RAD51B: variants seen among roughly 807,000 people sequenced by gnomAD.
The protein encoded by RAD51B is DNA repair protein RAD51 homolog 2.
Under a neutral mutation model 42.2 loss-of-function variants are expected in RAD51B, and 38 were observed. That is an observed-to-expected ratio of 0.90 (90% CI 0.70 to 1.18). The LOEUF is 1.18. RAD51B is among the 50% of genes most tolerant of loss of function. The pLI is 0.00. For synonymous variants in RAD51B, 154 were observed against 145.2 expected, an observed-to-expected ratio of 1.06 and a Z score of -0.43; for missense variants, 373 against 400.7, an observed-to-expected ratio of 0.93 and a Z score of 0.59.
intron 8 of RAD51B, chr14:68,339,223 T>A (rs1225067018): frequency 1.7e-6 from 2 of 1,151,686 alleles, no homozygotes; most frequent in African/African-American, 3.1e-5. Flanking sequence ...GTCTCTGGCC[T>A]GTACTTGTGG....
intron 7 of RAD51B, among the ~76,000 whole-genome samples, chr14:68,047,333 C>G (rs1322899850): frequency 6.6e-6 from 1 of 152,148 alleles, no homozygotes; most frequent in Non-Finnish European, 1.5e-5. Context: ...TGTTCAGTCT[C>G]TACTTGCTGG....
chr14:67,835,110 G>A lies in RAD51B; in HGVS notation c.229G>A (p.Asp77Asn), dbSNP rs767643278. ...AYGIKAQRSA[D>N]FSPAFLSTTL... Reference sequence around the variant, plus strand: ...TGGGATAAAAGCACAAAGGTCTGCTGATTTCTCACCAGCATTCTTATCTAC... The same window carrying A: ...TGGGATAAAAGCACAAAGGTCTGCTAATTTCTCACCAGCATTCTTATCTAC... The change falls in exon 4 of 11, where the codon GAT (aspartate) becomes AAT (asparagine). Residue 77 changes from aspartate to asparagine, a missense_variant. Transcript: ENST00000471583. The A allele has an allele frequency of 5.0e-6, 8 of 1,613,696 alleles. No homozygotes were observed. In the African/African-American group the frequency reaches 1.1e-4, roughly 22 times the overall value.
chr14:68,487,336 C>A (rs1271225223), intron 10 of RAD51B, among the ~76,000 whole-genome samples: 2 of 152,026 alleles, frequency 1.3e-5, no homozygotes, highest in Non-Finnish European at 2.9e-5. Flanking sequence ...GACACTAGTT[C>A]TATTGGATTA....
At chr14:68,303,795 C>T (rs938373733) in intron 8 of RAD51B, among the ~76,000 whole-genome samples, 3 of 152,168 alleles carry the variant, frequency 2.0e-5, no homozygotes, top group Non-Finnish European at 4.4e-5. Context: ...ATCAAGGCGC[C>T]TAACAGTTAG....
chr14:68,152,723 CT>C (rs3072524), intron 7 of RAD51B, among the ~76,000 whole-genome samples: 124,560 of 146,674 alleles, frequency 0.85, 52,852 homozygotes, highest in East Asian at 0.99. Context: ...AGTACCCAAT[CT>C]TTTTTTTTTT....
chr14:68,507,454 G>T (rs1885413881), intron 10 of RAD51B, among the ~76,000 whole-genome samples: 1 of 152,188 alleles, frequency 6.6e-6, no homozygotes, highest in Non-Finnish European at 1.5e-5. Flanking sequence ...TGTTCTTTGT[G>T]TGAGGGCTTC....
At chr14:68,173,288 T>C (rs1460577505) in intron 7 of RAD51B, among the ~76,000 whole-genome samples, 1 of 152,238 alleles carries the variant, frequency 6.6e-6, no homozygotes, top group Non-Finnish European at 1.5e-5. Context: ...GTCTTTGATC[T>C]TTTTCCACAT....
At chr14:68,556,367 C>T (rs78002963) in intron 10 of RAD51B, among the ~76,000 whole-genome samples, 11,417 of 152,228 alleles carry the variant, frequency 0.075, 525 homozygotes, top group South Asian at 0.16. Context: ...CCAACAGCCT[C>T]CAGCTGCTCT....
chr14:68,020,777 A>G (rs2075851187), intron 7 of RAD51B, among the ~76,000 whole-genome samples: 1 of 152,236 alleles, frequency 6.6e-6, no homozygotes, highest in Admixed American at 6.5e-5. Context: ...ACTGCAATTT[A>G]AAAAACATTG....
intron 7 of RAD51B, among the ~76,000 whole-genome samples, chr14:68,287,319 G>A (rs1191998957): frequency 6.6e-6 from 1 of 152,190 alleles, no homozygotes; most frequent in Non-Finnish European, 1.5e-5. Context: ...ACCTCTGTAA[G>A]CAGCATACAG....
chr14:68,430,092 G>A (rs927954084), intron 9 of RAD51B, among the ~76,000 whole-genome samples: 16 of 152,134 alleles, frequency 1.1e-4, no homozygotes, highest in African/African-American at 2.2e-4. Context: ...GCTCTGTTCC[G>A]TTCCATTGGT....
intron 8 of RAD51B, among the ~76,000 whole-genome samples, chr14:68,340,115 G>A (rs1422937626): frequency 6.6e-6 from 1 of 152,164 alleles, no homozygotes; most frequent in Non-Finnish European, 1.5e-5. Context: ...ATATTTATCA[G>A]AAATAACTTC....
chr14:68,583,206 G>A (rs1890293200), intron 10 of RAD51B, among the ~76,000 whole-genome samples: 1 of 152,194 alleles, frequency 6.6e-6, no homozygotes, highest in Non-Finnish European at 1.5e-5. Flanking sequence ...GGTGGCAGGT[G>A]CTGTGGCTCA....
Position 68,529,226 on chromosome 14 carries a change from T to C in RAD51B, c.1036+60976T>C, listed in dbSNP as rs145998021. 1.4e-3 allele frequency among the ~76,000 whole-genome samples: 216 copies of C among 152,324 alleles called. 1 individual carries two copies. The highest frequency in any genetic ancestry group is 5.1e-3 in the African/African-American group (210 of 41,584). On this transcript the variant is annotated intron_variant, in intron 10 of 10. Coordinates refer to the RAD51B transcript ENST00000487270. ...TTTTCTTTGTTTTTGAGACAGGATC[T>C]CACTCTGTCACCCAGGCTGGAGTGC...
At chr14:68,415,113 C>T (rs1012411052) in intron 9 of RAD51B, among the ~76,000 whole-genome samples, 1 of 149,632 alleles carries the variant, frequency 6.7e-6, no homozygotes. Context: ...AGCATTTATA[C>T]CAATGCCAAT....
At chr14:68,309,501 A>G (rs1285794555) in intron 8 of RAD51B, among the ~76,000 whole-genome samples, 1 of 152,208 alleles carries the variant, frequency 6.6e-6, no homozygotes, top group East Asian at 1.9e-4. Flanking sequence ...AGTGAAGGGC[A>G]AAGGAAGAAT....
At chr14:68,626,231 C>T (rs1892078223) in intron 10 of RAD51B, among the ~76,000 whole-genome samples, 1 of 152,152 alleles carries the variant, frequency 6.6e-6, no homozygotes, top group Non-Finnish European at 1.5e-5. Flanking sequence ...GTGTGCCAGG[C>T]ACAGCTCAGA....
intron 7 of RAD51B, among the ~76,000 whole-genome samples, chr14:68,134,237 C>T (rs1007928811): frequency 1.3e-5 from 2 of 152,046 alleles, no homozygotes; most frequent in African/African-American, 4.8e-5. Context: ...GCTTTTTCCA[C>T]TTTTCTTATG....
chr14:68,604,164 G>A (rs1001213159), intron 10 of RAD51B, among the ~76,000 whole-genome samples: 2 of 152,208 alleles, frequency 1.3e-5, no homozygotes, highest in African/African-American at 4.8e-5. Flanking sequence ...CGCCTTTCAT[G>A]GTGAGGCCAG....
Sources: allele counts gnomAD v4.1 joint callset (sites outside exome capture counted in the v4.1 genomes callset), GRCh38; gene constraint gnomAD v4.1.1; transcripts MANE v1.5; gene names NCBI Gene and HGNC (gene_info 2026-07-23, HGNC 2026-07-21).